FER: variants seen among roughly 807,000 people sequenced by gnomAD.
FER encodes tyrosine-protein kinase Fer.
FER carries 63 observed loss-of-function variants against 111.0 expected under a neutral mutation model. The ratio of observed to expected loss-of-function variants is 0.57; its 90% CI spans 0.46 to 0.70. The LOEUF (loss-of-function observed/expected upper bound fraction) is 0.70, where lower values mean the gene tolerates loss of function less well. Among genes scored for constraint, FER ranks in the 30% least tolerant of loss-of-function variants. FER has a pLI of 0.00. For missense variants in FER, 914 were observed against 954.0 expected (o/e 0.96, Z 0.55); for synonymous variants, 327 against 313.9 (o/e 1.04, Z -0.44).
At chr5:108,965,735 T>G (rs573220311) in intron 13 of FER, among the ~76,000 whole-genome samples, 2 of 152,256 alleles carry the variant, frequency 1.3e-5, no homozygotes, top group African/African-American at 2.4e-5. Context: ...TGTCAATAGC[T>G]TAACAAAAAT....
intron 16 of FER, among the ~76,000 whole-genome samples, chr5:109,057,940 C>T (rs1430335101): frequency 1.3e-5 from 2 of 152,102 alleles, no homozygotes; most frequent in Non-Finnish European, 2.9e-5. Context: ...AAACTGCAGA[C>T]CAATATCATT....
intron 16 of FER, among the ~76,000 whole-genome samples, chr5:109,062,127 A>G (rs1435435998): frequency 6.6e-6 from 1 of 152,258 alleles, no homozygotes; most frequent in East Asian, 1.9e-4. Flanking sequence ...AAAAAACCCT[A>G]ATATGCTAAA....
chr5:108,949,798 C>T (rs1757476784), intron 11 of FER, among the ~76,000 whole-genome samples: 2 of 151,960 alleles, frequency 1.3e-5, no homozygotes, highest in Non-Finnish European at 2.9e-5. Context: ...TGTGTTCTTA[C>T]TGATATTGTG....
intron 10 of FER, among the ~76,000 whole-genome samples, chr5:108,915,435 A>C (rs1396426584): frequency 6.6e-6 from 1 of 152,138 alleles, no homozygotes; most frequent in Non-Finnish European, 1.5e-5. Context: ...TGCCCCATCA[A>C]TCAAAATTGA....
rs141976597 is a variant in FER at position 109,039,610 on chromosome 5, G to A, written c.1713+2132G>A. The stretch of plus-strand genomic sequence containing the variant: ...TTTGAATAAAGACTTGAAGGAGGTG[G>A]GAAATATAGCCACATGGACATCTGA... On this transcript the variant is annotated intron_variant, in intron 14 of 19. Transcript: ENST00000281092. Among the ~76,000 whole-genome samples, 899 of 152,134 alleles carry A rather than the reference G, an allele frequency of 5.9e-3. 6 individuals are homozygous for A. The highest frequency in any genetic ancestry group is 0.021 in the African/African-American group (861 of 41,520).
chr5:109,020,687 C>A (rs1477176950), intron 13 of FER, among the ~76,000 whole-genome samples: 1 of 152,006 alleles, frequency 6.6e-6, no homozygotes, highest in East Asian at 1.9e-4. Context: ...GCACACACTT[C>A]GCGGCCGAGC....
intron 11 of FER, among the ~76,000 whole-genome samples, chr5:108,949,508 A>G (rs548878410): frequency 1.5e-3 from 228 of 152,242 alleles, no homozygotes; most frequent in African/African-American, 5.2e-3. Flanking sequence ...TTGCAGTATT[A>G]CATGTAATTT....
At chr5:109,180,707 T>G in intron 17 of FER, 40 bp from the exon 18 acceptor site, 2 of 1,556,236 alleles carry the variant, frequency 1.3e-6, no homozygotes, top group Non-Finnish European at 1.7e-6. Flanking sequence ...GGCTTTCAAT[T>G]TGTTTTAATA....
At chr5:108,990,507 G>T (rs1763040576) in intron 13 of FER, among the ~76,000 whole-genome samples, 1 of 151,510 alleles carries the variant, frequency 6.6e-6, no homozygotes, top group South Asian at 2.1e-4. Context: ...ACATTTCAAA[G>T]AAATATAAAT....
chr5:108,960,341 A>G (rs1009084228), intron 13 of FER, among the ~76,000 whole-genome samples: 1 of 152,040 alleles, frequency 6.6e-6, no homozygotes, highest in Non-Finnish European at 1.5e-5. Context: ...GACCTTTAAT[A>G]TTTCTCTCAC....
intron 13 of FER, among the ~76,000 whole-genome samples, chr5:108,968,169 T>C (rs1429138505): frequency 6.6e-6 from 1 of 152,150 alleles, no homozygotes; most frequent in East Asian, 1.9e-4. Context: ...CAGGTATCAC[T>C]TGAGGTCAGG....
intron 16 of FER, among the ~76,000 whole-genome samples, chr5:109,063,192 G>A (rs1340855227): frequency 6.6e-6 from 1 of 151,998 alleles, no homozygotes; most frequent in Non-Finnish European, 1.5e-5. Flanking sequence ...ATTTGCATTT[G>A]TAATTTCTAT....
At chr5:108,969,008 A>T (rs1356514685) in intron 13 of FER, among the ~76,000 whole-genome samples, 1 of 152,172 alleles carries the variant, frequency 6.6e-6, no homozygotes, top group African/African-American at 2.4e-5. Flanking sequence ...GCATAAATTT[A>T]AAATTTAATA....
intron 10 of FER, among the ~76,000 whole-genome samples, chr5:108,902,912 T>G (rs1349269456): frequency 6.6e-6 from 1 of 151,574 alleles, no homozygotes; most frequent in Non-Finnish European, 1.5e-5. Flanking sequence ...TATTTATTTA[T>G]TTATTTATTT....
intron 17 of FER, among the ~76,000 whole-genome samples, chr5:109,122,319 C>A (rs1751084256): frequency 1.3e-5 from 2 of 152,106 alleles, no homozygotes; most frequent in South Asian, 4.2e-4. Context: ...TTAATTTCTT[C>A]ATTGATTCAC....
chr5:109,116,099 C>T (rs139789559), intron 17 of FER, among the ~76,000 whole-genome samples: 1 of 152,134 alleles, frequency 6.6e-6, no homozygotes, highest in East Asian at 1.9e-4. Context: ...TACATGAACT[C>T]AAAGGGAGTG....
At chr5:108,993,144 G>A (rs1242561226) in intron 13 of FER, among the ~76,000 whole-genome samples, 8 of 152,156 alleles carry the variant, frequency 5.3e-5, no homozygotes, top group Admixed American at 1.3e-4. Context: ...GGTGGCGGCC[G>A]GGCAGAGGCT....
chr5:109,111,996 A>C (rs780023854), intron 17 of FER, among the ~76,000 whole-genome samples: 13 of 152,186 alleles, frequency 8.5e-5, no homozygotes, highest in Non-Finnish European at 1.8e-4. Context: ...TTATAGAACA[A>C]AAACACCTGC....
chr5:109,001,550 A>G (rs1764777047), intron 13 of FER, among the ~76,000 whole-genome samples: 1 of 152,208 alleles, frequency 6.6e-6, no homozygotes, highest in African/African-American at 2.4e-5. Flanking sequence ...AAAAACTGGA[A>G]GCATTCCCTT....
Sources: allele counts gnomAD v4.1 joint callset (sites outside exome capture counted in the v4.1 genomes callset), GRCh38; gene constraint gnomAD v4.1.1; transcripts MANE v1.5; gene names NCBI Gene and HGNC (gene_info 2026-07-23, HGNC 2026-07-21).